Variants in KLRB1 observed in about 807,000 individuals in gnomAD.
KLRB1 encodes the protein killer cell lectin like receptor B1, also known as killer cell lectin-like receptor subfamily B member 1.
Under a neutral mutation model 33.5 loss-of-function variants are expected in KLRB1, and 27 were observed. The ratio of observed to expected loss-of-function variants is 0.81; its 90% CI spans 0.59 to 1.11. The LOEUF (loss-of-function observed/expected upper bound fraction) is 1.11, where lower values mean the gene tolerates loss of function less well. Among genes scored for constraint, KLRB1 ranks in the 50% most tolerant of loss-of-function variants. KLRB1 has a pLI of 0.00. For synonymous variants in KLRB1, 64 were observed against 88.9 expected (o/e 0.72, Z 1.58); for missense variants, 241 against 254.1 (o/e 0.95, Z 0.35).
intron 1 of KLRB1, among the ~76,000 whole-genome samples, chr12:9,603,550 G>A (rs973767651): frequency 2.6e-5 from 4 of 151,286 alleles, no homozygotes; most frequent in South Asian, 2.1e-4. Flanking sequence ...TCAACCTCCC[G>A]AGTAGCTGGG....
intron 1 of KLRB1, among the ~76,000 whole-genome samples, chr12:9,604,173 T>C (rs946311946): frequency 6.6e-6 from 1 of 152,206 alleles, no homozygotes; most frequent in Non-Finnish European, 1.5e-5. Flanking sequence ...GACATTAGAA[T>C]TAATGAAGTT....
At chr12:9,597,395 C>T (rs1864501393) in intron 5 of KLRB1, among the ~76,000 whole-genome samples, 1 of 139,096 alleles carries the variant, frequency 7.2e-6, no homozygotes, top group South Asian at 2.5e-4. Context: ...ATGAATTCTG[C>T]TAAAACATGA....
At position 9,607,407 on chromosome 12, in the gene KLRB1, T is replaced by TC. The variant is rs779896872; in HGVS notation, c.85+347_85+348insG. On this transcript the variant is annotated intron_variant, in intron 1 of 5. Transcript: ENST00000229402. ...TTCTTTCTTTCTTTCTTTCTTTCTT[T>TC]TCTTTCTTTCTTTCTTTCTTCCTTC... Among the ~76,000 whole-genome samples the TC allele has an allele frequency of 8.2e-3, 1,161 of 141,728 alleles. 32 individuals carry two copies. Among genetic ancestry groups the TC allele is most frequent in the Middle Eastern group, 0.036 (10 of 280 alleles). 93.0% of individuals were successfully genotyped at this position (141,728 alleles called of 152,430 possible).
chr12:9,600,883 G>A (rs922940880), intron 2 of KLRB1, among the ~76,000 whole-genome samples: 9 of 151,892 alleles, frequency 5.9e-5, no homozygotes, highest in South Asian at 2.1e-4. Context: ...CCCGACACCC[G>A]TAAAGGTTCT....
rs1169454096 is a variant in KLRB1, at chr12:9,606,755, TA to T, written c.85+999del. Among the ~76,000 whole-genome samples, 217 of 28,628 alleles carry T rather than the reference TA, an allele frequency of 7.6e-3. 15 individuals carry two copies. Among genetic ancestry groups the T allele is most frequent in the African/African-American group, 0.022 (184 of 8,184 alleles). 18.8% of individuals were successfully genotyped at this position (28,628 alleles called of 152,430 possible). On this transcript the variant is annotated intron_variant, in intron 1 of 5. Coordinates refer to ENST00000229402, the MANE Select transcript of KLRB1 (RefSeq NM_002258.3). ...AAAAGTATATATATATATATATATA[TA>T]TATATTTTTTTTTTTTTTTTGAGAT...
intron 1 of KLRB1, among the ~76,000 whole-genome samples, chr12:9,606,111 C>T (rs753013109): frequency 2.6e-5 from 4 of 152,222 alleles, no homozygotes; most frequent in Admixed American, 1.3e-4. Context: ...ACTTAATTGA[C>T]GGCTCTAAGA....
intron 1 of KLRB1, among the ~76,000 whole-genome samples, chr12:9,605,843 A>G (rs1433654663): frequency 6.6e-6 from 1 of 152,210 alleles, no homozygotes; most frequent in Non-Finnish European, 1.5e-5. Flanking sequence ...ATGACATTTT[A>G]TAGGATAATT....
intron 1 of KLRB1, among the ~76,000 whole-genome samples, chr12:9,606,158 T>G (rs1341925136): frequency 6.6e-6 from 1 of 152,162 alleles, no homozygotes; most frequent in Non-Finnish European, 1.5e-5. Context: ...AATTCAATAG[T>G]TTAAAACTTA....
intron 5 of KLRB1, among the ~76,000 whole-genome samples, chr12:9,596,441 C>T (rs1170101311): frequency 6.6e-6 from 1 of 152,136 alleles, no homozygotes; most frequent in African/African-American, 2.4e-5. Context: ...ACAGGCCTTC[C>T]TTGATGAGAC....
intron 1 of KLRB1, among the ~76,000 whole-genome samples, chr12:9,606,758 A>ATTTTTTTTTTTTTTTTTTTTTTTTT (rs1285915836): frequency 3.0e-5 from 2 of 65,902 alleles, no homozygotes; most frequent in African/African-American, 9.2e-5. Flanking sequence ...ATATATATAT[A>ATTTTTTTTTTTTTTTTTTTTTTTTT]TATTTTTTTT....
intron 1 of KLRB1, among the ~76,000 whole-genome samples, chr12:9,606,742 ATATATATATATATATATAT>A (rs1864607403): frequency 6.1e-4 from 14 of 22,834 alleles, no homozygotes; most frequent in African/African-American, 8.0e-4. Flanking sequence ...AAGTATATAT[ATATATATATATATATATAT>A]TTTTTTTTTT....
At chr12:9,607,305 C>CTT (rs1864618389) in intron 1 of KLRB1, among the ~76,000 whole-genome samples, 3 of 79,910 alleles carry the variant, frequency 3.8e-5, no homozygotes, top group African/African-American at 1.8e-4. Flanking sequence ...TCTCTCCTTT[C>CTT]TTTCTTTCTT....
intron 1 of KLRB1, 68 bp from the exon 2 acceptor site, chr12:9,601,667 G>T (rs1864544856): frequency 9.6e-7 from 1 of 1,044,186 alleles, no homozygotes; most frequent in Non-Finnish European, 1.5e-6. Flanking sequence ...GGTTAACTCA[G>T]TGGAGTACAT....
rs755999340 is a variant in KLRB1 at position 9,599,786 on chromosome 12, C to G, written c.240G>C (p.Gln80His). The change falls in exon 3 of 6, where the codon CAG becomes CAC. Residue 80 changes from glutamine (Q) to histidine (H), a missense_variant. Transcript: ENST00000229402. ...SIEKCSVDIQ[Q>H]SRNKTTERPG... ...AATTACCTGTTGTTTTATTCCTGCT[C>G]TGTTGAATGTCCACACTGCATTTTT... is the stretch of plus-strand genomic sequence containing the variant. The G allele has an allele frequency of 4.4e-6, 7 of 1,602,976 alleles. No individual in the cohort carries two copies. Among genetic ancestry groups the G allele is most frequent in the Non-Finnish European group, 6.0e-6 (7 of 1,170,282 alleles).
chr12:9,597,460 T>C (rs939646850), intron 5 of KLRB1, among the ~76,000 whole-genome samples: 4 of 152,084 alleles, frequency 2.6e-5, no homozygotes, highest in Admixed American at 6.6e-5. Flanking sequence ...TTTGACCATC[T>C]TACACAAGAC....
chr12:9,607,405 T>TTTCTTTCC (rs1565444748), intron 1 of KLRB1, among the ~76,000 whole-genome samples: 1 of 47,988 alleles, frequency 2.1e-5, no homozygotes, highest in African/African-American at 6.1e-5. Context: ...TCTTTCTTTC[T>TTTCTTTCC]TTTCTTTCTT....
chr12:9,595,244 G>T lies in KLRB1; in HGVS notation c.*30C>A. ...CTACAAGTACAGAGATCAGTAATGG[G>T]AAGCAAATAAATTGAGATGGGATTC... On this transcript the variant is annotated 3_prime_UTR_variant, in exon 6 of 6. Coordinates refer to ENST00000229402, the MANE Select transcript of KLRB1 (RefSeq NM_002258.3). The T allele has an allele frequency of 5.0e-6, 8 of 1,603,428 alleles. No individual in the cohort carries two copies. In the South Asian group the frequency reaches 7.7e-5, roughly 15 times the overall value.
chr12:9,604,789 C>T (rs1265467416), intron 1 of KLRB1, among the ~76,000 whole-genome samples: 2 of 152,106 alleles, frequency 1.3e-5, no homozygotes, highest in African/African-American at 4.8e-5. Flanking sequence ...ATCTTTTATA[C>T]TGACTTAGTT....
chr12:9,595,051 T>G lies in KLRB1; in HGVS notation c.*223A>C. On this transcript the variant is annotated 3_prime_UTR_variant, in exon 6 of 6. Transcript: ENST00000229402. ...TCCTTCACCATAGAATATCACTGTT[T>G]CTTTAAAACGATGCACGTTTTTCTC... The G allele has an allele frequency of 2.0e-6, 1 of 509,230 alleles. No individual in the cohort carries two copies. Among genetic ancestry groups the G allele is most frequent in the Admixed American group, 3.4e-5 (1 of 29,314 alleles). The allele number at this position is 509,230 out of a possible 1,614,324, so 31.5% of individuals were successfully genotyped here. A position where few individuals can be genotyped will look rare whatever the true frequency, so the allele number is the denominator to read the frequency against.
Sources: allele counts gnomAD v4.1 joint callset (sites outside exome capture counted in the v4.1 genomes callset), GRCh38; gene constraint gnomAD v4.1.1; transcripts MANE v1.5; gene names NCBI Gene and HGNC (gene_info 2026-07-23, HGNC 2026-07-21).